Variants in BCKDHB observed in about 807,000 individuals in gnomAD.
The protein encoded by BCKDHB is 2-oxoisovalerate dehydrogenase subunit beta, mitochondrial.
A neutral mutation model predicts 48.5 loss-of-function variants in BCKDHB; 41 were observed. The observed-to-expected ratio is 0.85, with a 90% confidence interval of 0.66 to 1.10. The LOEUF (loss-of-function observed/expected upper bound fraction) is 1.10. Among genes scored for constraint, BCKDHB ranks in the 50% least tolerant of loss-of-function variants. The pLI is 0.00. For missense variants in BCKDHB, 496 were observed against 494.2 expected (o/e 1.00, Z -0.03); for synonymous variants, 201 against 174.8 (o/e 1.15, Z -1.18).
At chr6:80,299,855 C>G (rs1227452810) in intron 9 of BCKDHB, among the ~76,000 whole-genome samples, 1 of 152,082 alleles carries the variant, frequency 6.6e-6, no homozygotes, top group Non-Finnish European at 1.5e-5. Flanking sequence ...ATAATACATA[C>G]CAACCTTGAA....
chr6:80,371,488 T>C, the BCKDHB span, among the ~76,000 whole-genome samples: 574 of 152,302 alleles, frequency 3.8e-3, 7 homozygotes, highest in African/African-American at 0.013. Flanking sequence ...CATTTTAGTT[T>C]AATCAAGTCC....
intron 8 of BCKDHB, among the ~76,000 whole-genome samples, chr6:80,212,321 C>T (rs1478311877): frequency 6.6e-5 from 10 of 152,086 alleles, no homozygotes; most frequent in Admixed American, 5.9e-4. Context: ...TTAGACCTTC[C>T]CCCAGGAATG....
intron 8 of BCKDHB, among the ~76,000 whole-genome samples, chr6:80,219,179 C>T (rs1193958164): frequency 6.6e-6 from 1 of 151,154 alleles, no homozygotes; most frequent in Non-Finnish European, 1.5e-5. Flanking sequence ...GAAGATCACT[C>T]ATATTCTTTT....
chr6:80,169,972 TA>T, intron 5 of BCKDHB: 1 of 1,304,832 alleles, frequency 7.7e-7, no homozygotes, highest in Non-Finnish European at 9.8e-7. Context: ...ATATTGTTTT[TA>T]AGAACAGATC....
the BCKDHB span, among the ~76,000 whole-genome samples, chr6:80,362,579 C>T: frequency 1.1e-4 from 17 of 152,200 alleles, no homozygotes; most frequent in East Asian, 5.8e-4. Context: ...TCATAGGATC[C>T]GCAAAGGCCA....
intron 9 of BCKDHB, among the ~76,000 whole-genome samples, chr6:80,319,676 T>C (rs1768615210): frequency 6.6e-6 from 1 of 152,220 alleles, no homozygotes; most frequent in Non-Finnish European, 1.5e-5. Context: ...CGTTGTCAGT[T>C]TCCAATAAGA....
the BCKDHB span, among the ~76,000 whole-genome samples, chr6:80,385,635 A>G: frequency 6.6e-6 from 1 of 152,176 alleles, no homozygotes; most frequent in Non-Finnish European, 1.5e-5. Context: ...GTTGCCAGGC[A>G]AAATAATGTT....
intron 8 of BCKDHB, among the ~76,000 whole-genome samples, chr6:80,227,424 A>G (rs1454087516): frequency 6.6e-6 from 1 of 152,166 alleles, no homozygotes; most frequent in Non-Finnish European, 1.5e-5. Context: ...GGATTATTTC[A>G]TCTCTTTAGG....
At chr6:80,147,975 C>T (rs1342553310) in intron 3 of BCKDHB, among the ~76,000 whole-genome samples, 1 of 152,056 alleles carries the variant, frequency 6.6e-6, no homozygotes, top group Non-Finnish European at 1.5e-5. Flanking sequence ...AATGAAATTC[C>T]TGTTGGTTGT....
At chr6:80,342,065 G>T (rs1769933347) in intron 9 of BCKDHB, among the ~76,000 whole-genome samples, 1 of 152,058 alleles carries the variant, frequency 6.6e-6, no homozygotes, top group Non-Finnish European at 1.5e-5. Context: ...TAGTTATTGG[G>T]GCCAAAGGGA....
chr6:80,162,918 T>C (rs1772389356), intron 3 of BCKDHB, among the ~76,000 whole-genome samples: 1 of 151,236 alleles, frequency 6.6e-6, no homozygotes, highest in Admixed American at 6.6e-5. Context: ...TTCTCTTCTC[T>C]TCTCTCTCTC....
At chr6:80,175,390 T>C (rs1773103046) in intron 6 of BCKDHB, among the ~76,000 whole-genome samples, 1 of 152,188 alleles carries the variant, frequency 6.6e-6, no homozygotes, top group African/African-American at 2.4e-5. Flanking sequence ...TATTACACAA[T>C]GACAGGAAAT....
chr6:80,399,841 G>A, the BCKDHB span, among the ~76,000 whole-genome samples: 1 of 151,530 alleles, frequency 6.6e-6, no homozygotes, highest in South Asian at 2.1e-4. Flanking sequence ...TATTCTACAG[G>A]GCTACAGTAA....
intron 3 of BCKDHB, among the ~76,000 whole-genome samples, chr6:80,163,096 T>C (rs557934885): frequency 1.3e-5 from 2 of 152,042 alleles, no homozygotes; most frequent in East Asian, 1.9e-4. Context: ...CTAATGTTTT[T>C]ATTGTATTTT....
At chr6:80,163,715 G>A (rs1053260080) in intron 3 of BCKDHB, among the ~76,000 whole-genome samples, 1 of 152,052 alleles carries the variant, frequency 6.6e-6, no homozygotes, top group Non-Finnish European at 1.5e-5. Context: ...ATATCTGAGG[G>A]CATCTCAAAG....
intron 6 of BCKDHB, among the ~76,000 whole-genome samples, chr6:80,189,500 A>G (rs1388010042): frequency 2.0e-5 from 3 of 152,210 alleles, no homozygotes; most frequent in African/African-American, 7.2e-5. Flanking sequence ...CTTGACTAGC[A>G]GAAAGGGTGT....
At chr6:80,211,909 A>T (rs1041742991) in intron 8 of BCKDHB, among the ~76,000 whole-genome samples, 1 of 152,134 alleles carries the variant, frequency 6.6e-6, no homozygotes, top group African/African-American at 2.4e-5. Flanking sequence ...AGGGCTTCAA[A>T]AGGGGAGGGG....
At chr6:80,426,473 C>T in the BCKDHB span, among the ~76,000 whole-genome samples, 2 of 152,018 alleles carry the variant, frequency 1.3e-5, no homozygotes, top group Non-Finnish European at 2.9e-5. Flanking sequence ...ATAAATTTTC[C>T]TGTAAGCACT....
the BCKDHB span, among the ~76,000 whole-genome samples, chr6:80,390,910 C>T: frequency 3.3e-3 from 505 of 152,086 alleles, no homozygotes; most frequent in African/African-American, 0.01. Context: ...ATCGAGTGGG[C>T]GCCATCCAAT....
Sources: allele counts gnomAD v4.1 joint callset (sites outside exome capture counted in the v4.1 genomes callset), GRCh38; gene constraint gnomAD v4.1.1; transcripts MANE v1.5; gene names NCBI Gene and HGNC (gene_info 2026-07-23, HGNC 2026-07-21).